The following SLC24A2 variants were observed in gnomAD, a reference collection of about 807,000 sequenced individuals.
SLC24A2 encodes the protein sodium/potassium/calcium exchanger 2.
In SLC24A2, 36 loss-of-function variants were observed where a neutral mutation model predicts 62.0. The ratio of observed to expected loss-of-function variants is 0.58; its 90% CI spans 0.44 to 0.77. The LOEUF (loss-of-function observed/expected upper bound fraction) is 0.77. Among genes scored for constraint, SLC24A2 ranks in the 30% least tolerant of loss-of-function variants. SLC24A2 has a pLI of 0.00. For missense variants in SLC24A2, 846 were observed against 817.9 expected (o/e 1.03, Z -0.42); for synonymous variants, 358 against 294.0 (o/e 1.22, Z -2.23).
At chr9:20,077,922 A>T in the SLC24A2 span, among the ~76,000 whole-genome samples, 80 of 152,276 alleles carry the variant, frequency 5.3e-4, no homozygotes, top group East Asian at 0.013. Flanking sequence ...TATATCATAG[A>T]TGCAAACTAA....
chr9:19,516,065 G>T lies in SLC24A2; in HGVS notation c.*88C>A. On this transcript the variant is annotated 3_prime_UTR_variant, in exon 11 of 11. Coordinates refer to ENST00000341998, the MANE Select transcript of SLC24A2 (RefSeq NM_020344.4). ...ACTTGGCACCCAGGGCTGTGTGCCA[G>T]CTGCCTCTTCTCAAGAGGTCAAGGA... 6.5e-7 allele frequency: 1 copy of T among 1,528,592 alleles called. No individual in the cohort carries two copies. The highest frequency in any genetic ancestry group is 9.1e-7 in the Non-Finnish European group (1 of 1,103,730). 94.7% of individuals were successfully genotyped at this position (1,528,592 alleles called of 1,614,324 possible).
At chr9:20,014,949 T>C in the SLC24A2 span, among the ~76,000 whole-genome samples, 3 of 152,266 alleles carry the variant, frequency 2.0e-5, no homozygotes, top group Admixed American at 6.5e-5. Context: ...GATTTAATCA[T>C]GCTACATTGT....
At chr9:20,141,431 C>T in the SLC24A2 span, among the ~76,000 whole-genome samples, 1 of 152,096 alleles carries the variant, frequency 6.6e-6, no homozygotes, top group Non-Finnish European at 1.5e-5. Flanking sequence ...ATTCTCCTAT[C>T]CCGAATAATC....
chr9:19,968,521 T>C, the SLC24A2 span, among the ~76,000 whole-genome samples: 1 of 152,204 alleles, frequency 6.6e-6, no homozygotes, highest in Non-Finnish European at 1.5e-5. Flanking sequence ...AAGAAGTGGA[T>C]AGACTTGTAT....
the SLC24A2 span, among the ~76,000 whole-genome samples, chr9:19,858,672 C>T: frequency 6.6e-6 from 1 of 151,618 alleles, no homozygotes; most frequent in Non-Finnish European, 1.5e-5. Context: ...TCAAACAGCC[C>T]CATTAAAGAG....
chr9:19,941,930 T>C, the SLC24A2 span, among the ~76,000 whole-genome samples: 7 of 152,184 alleles, frequency 4.6e-5, no homozygotes, highest in Non-Finnish European at 7.4e-5. Flanking sequence ...TGCATATTTA[T>C]GTATACAATA....
chr9:19,647,277 T>C (rs1818670976), intron 2 of SLC24A2, among the ~76,000 whole-genome samples: 1 of 152,224 alleles, frequency 6.6e-6, no homozygotes, highest in Non-Finnish European at 1.5e-5. Flanking sequence ...CAGAAATATT[T>C]AGCTGTTACA....
intron 2 of SLC24A2, among the ~76,000 whole-genome samples, chr9:19,708,233 C>A (rs1820595790): frequency 6.6e-6 from 1 of 152,088 alleles, no homozygotes; most frequent in South Asian, 2.1e-4. Flanking sequence ...GAACTACAAA[C>A]CACTGCTCAA....
chr9:20,005,739 G>A, the SLC24A2 span, among the ~76,000 whole-genome samples: 1 of 151,584 alleles, frequency 6.6e-6, no homozygotes, highest in Non-Finnish European at 1.5e-5. Flanking sequence ...ATTGTTTGTA[G>A]AACATGAAAT....
chr9:20,265,921 G>GA, the SLC24A2 span, among the ~76,000 whole-genome samples: 1 of 152,146 alleles, frequency 6.6e-6, no homozygotes, highest in Admixed American at 6.6e-5. Context: ...GATCTGTAGG[G>GA]ATGAAAGAAG....
chr9:19,986,041 G>C, the SLC24A2 span, among the ~76,000 whole-genome samples: 1 of 152,056 alleles, frequency 6.6e-6, no homozygotes, highest in Non-Finnish European at 1.5e-5. Context: ...TAAGGGCCTA[G>C]TATCCAGAAT....
the SLC24A2 span, among the ~76,000 whole-genome samples, chr9:20,014,717 C>A: frequency 6.6e-6 from 1 of 151,868 alleles, no homozygotes; most frequent in South Asian, 2.1e-4. Context: ...TAATGGTTAC[C>A]AGAGGCTGGG....
the SLC24A2 span, among the ~76,000 whole-genome samples, chr9:20,203,322 G>C: frequency 6.6e-6 from 1 of 152,130 alleles, no homozygotes; most frequent in Non-Finnish European, 1.5e-5. Context: ...AATTAAACTA[G>C]ATAATGCAGT....
intron 9 of SLC24A2, among the ~76,000 whole-genome samples, chr9:19,522,202 G>A (rs1306010932): frequency 6.6e-6 from 1 of 152,052 alleles, no homozygotes; most frequent in Non-Finnish European, 1.5e-5. Flanking sequence ...TTCTTACTAT[G>A]TTGCCCAGGC....
At chr9:20,223,368 T>C in the SLC24A2 span, among the ~76,000 whole-genome samples, 1 of 152,166 alleles carries the variant, frequency 6.6e-6, no homozygotes, top group Non-Finnish European at 1.5e-5. Context: ...CTCACACCTC[T>C]AATCTCAACA....
the SLC24A2 span, among the ~76,000 whole-genome samples, chr9:19,804,020 G>T: frequency 6.6e-6 from 1 of 152,096 alleles, no homozygotes; most frequent in African/African-American, 2.4e-5. Context: ...AACTAATCTG[G>T]TACATCTTCC....
chr9:19,962,452 G>A, the SLC24A2 span, among the ~76,000 whole-genome samples: 3 of 152,114 alleles, frequency 2.0e-5, no homozygotes, highest in African/African-American at 4.8e-5. Flanking sequence ...ATTACCTTGG[G>A]CAATATGGCC....
At chr9:19,736,566 T>A (rs1008947147) in intron 2 of SLC24A2, among the ~76,000 whole-genome samples, 5 of 152,086 alleles carry the variant, frequency 3.3e-5, no homozygotes, top group African/African-American at 1.2e-4. Context: ...AGGCCAGGCA[T>A]GATGCATCAT....
intron 9 of SLC24A2, among the ~76,000 whole-genome samples, chr9:19,524,761 T>C (rs920649711): frequency 2.6e-5 from 4 of 152,200 alleles, no homozygotes; most frequent in Non-Finnish European, 4.4e-5. Flanking sequence ...AAATTATTAT[T>C]GTTTCAGCCA....
Sources: allele counts gnomAD v4.1 joint callset (sites outside exome capture counted in the v4.1 genomes callset), GRCh38; gene constraint gnomAD v4.1.1; transcripts MANE v1.5; gene names NCBI Gene and HGNC (gene_info 2026-07-23, HGNC 2026-07-21).